The following LGR6 variants were observed in gnomAD, a reference collection of about 807,000 sequenced individuals.
LGR6 encodes leucine-rich repeat-containing G protein-coupled receptor 6.
In LGR6, 45 loss-of-function variants were observed where a neutral mutation model predicts 69.4. The ratio of observed to expected loss-of-function variants is 0.65; its 90% CI spans 0.51 to 0.83. The LOEUF is 0.83. Among genes scored for constraint, LGR6 ranks in the 40% least tolerant of loss-of-function variants. The pLI is 0.00. For missense variants in LGR6, 1,108 were observed against 1,246.7 expected (o/e 0.89, Z 1.68); for synonymous variants, 538 against 555.0 (o/e 0.97, Z 0.43).
At chr1:202,199,001 G>A (rs1219624884) in intron 1 of LGR6, among the ~76,000 whole-genome samples, 2 of 152,152 alleles carry the variant, frequency 1.3e-5, no homozygotes, top group Admixed American at 1.3e-4. Context: ...GGGTTTGTGA[G>A]TTCTAATCTT....
chr1:202,218,703 C>T (rs757006038), intron 1 of LGR6, among the ~76,000 whole-genome samples: 2 of 152,178 alleles, frequency 1.3e-5, no homozygotes, highest in Non-Finnish European at 2.9e-5. Context: ...GAACTCAGTT[C>T]TGTGGGTTGC....
intron 4 of LGR6, among the ~76,000 whole-genome samples, chr1:202,237,425 A>G (rs1661670692): frequency 6.6e-6 from 1 of 152,342 alleles, no homozygotes; most frequent in African/African-American, 2.4e-5. Flanking sequence ...AGAATTTGAC[A>G]TTTCATCCAC....
intron 4 of LGR6, among the ~76,000 whole-genome samples, chr1:202,265,304 G>A (rs1037937678): frequency 3.3e-5 from 5 of 152,104 alleles, no homozygotes; most frequent in African/African-American, 4.8e-5. Flanking sequence ...CTCAGGCTCC[G>A]ACTCCCCAGA....
rs145300623 is a variant in LGR6 at position 202,307,703 on chromosome 1, A to C, written c.1280+302A>C. Among the ~76,000 whole-genome samples, 722 of 152,058 alleles carry C rather than the reference A, an allele frequency of 4.7e-3. 8 individuals are homozygous for C. Among genetic ancestry groups the C allele is most frequent in the Non-Finnish European group, 5.0e-3 (338 of 67,986 alleles). On this transcript the variant is annotated intron_variant, in intron 14 of 17. Transcript: ENST00000367278. Reference sequence around the variant, plus strand: ...CCATCCTCTCTATCCACCAACAAAGAGGATATATTGGGCCTGGAATCCCTT... The same window carrying C: ...CCATCCTCTCTATCCACCAACAAAGCGGATATATTGGGCCTGGAATCCCTT...
chr1:202,318,208 C>A lies in LGR6; in HGVS notation c.1905C>A (p.Arg635=), dbSNP rs778693516. 6.2e-7 allele frequency: 1 copy of A among 1,612,678 alleles called. No individual in the cohort carries two copies. The highest frequency in any genetic ancestry group is 1.3e-5 in the African/African-American group (1 of 74,952). The stretch of plus-strand genomic sequence containing the variant: ...GTCAGTTCTCTGAGTACGGAGCCCG[C>A]TGGGAGACGGGGCTAGGCTGCCGGG... The part of the protein sequence containing the change: ...TFGQFSEYGA[R]WETGLGCRAT... The change falls in exon 18 of 18, where the codon CGC becomes CGA. Residue 635 remains arginine (R), a synonymous_variant. Transcript: ENST00000367278.
chr1:202,253,252 C>T (rs925710050), intron 4 of LGR6, among the ~76,000 whole-genome samples: 3 of 151,946 alleles, frequency 2.0e-5, no homozygotes, highest in African/African-American at 7.3e-5. Flanking sequence ...TATAGGAAGA[C>T]TTAGCACAAT....
chr1:202,223,809 A>C (rs1462302536), intron 1 of LGR6, among the ~76,000 whole-genome samples: 1 of 137,534 alleles, frequency 7.3e-6, no homozygotes, highest in Non-Finnish European at 1.6e-5. Context: ...TCTTTCCCTC[A>C]GTGTCCTGTG....
At chr1:202,204,880 T>C (rs1386695411) in intron 1 of LGR6, among the ~76,000 whole-genome samples, 1 of 5,460 alleles carries the variant, frequency 1.8e-4, no homozygotes, top group Non-Finnish European at 3.0e-4. Flanking sequence ...CACACACACC[T>C]CCTTCAAACA....
At chr1:202,248,760 A>C (rs1056880960) in intron 4 of LGR6, among the ~76,000 whole-genome samples, 18 of 152,248 alleles carry the variant, frequency 1.2e-4, no homozygotes, top group Admixed American at 8.5e-4. Flanking sequence ...AGGAAAAAGG[A>C]CAAGTCCAGC....
In LGR6 at chr1:202,194,183, A is replaced by G; in HGVS notation, c.194A>G (p.Asp65Gly). ...LGLSAVPGDL[D>G]PLTAYLDLSM... The stretch of plus-strand genomic sequence containing the variant: ...CTGTCCGCCGTTCCGGGGGACCTGG[A>G]CCCCCTGACGGCTTACCTGTGAGTA... Residue 65 changes from aspartate (D) to glycine (G), a missense_variant, in exon 1 of 18, where the codon GAC becomes GGC. Asp to Gly is a moderately conservative substitution (Grantham distance 94). Transcript: ENST00000367278. 1.3e-6 allele frequency: 2 copies of G among 1,560,638 alleles called. No homozygotes were observed. Among genetic ancestry groups the G allele is most frequent in the South Asian group, 1.2e-5 (1 of 86,218 alleles).
chr1:202,198,708 C>A (rs1658731551), intron 1 of LGR6, among the ~76,000 whole-genome samples: 1 of 139,048 alleles, frequency 7.2e-6, no homozygotes. Flanking sequence ...AGAGTACAGT[C>A]TGAAAATCCA....
intron 1 of LGR6, chr1:202,203,784 C>T (rs757839873): frequency 2.5e-6 from 4 of 1,613,270 alleles, no homozygotes; most frequent in Non-Finnish European, 3.4e-6. Flanking sequence ...CCCTGAAAGG[C>T]GGTTGTGGTG....
chr1:202,280,760 G>T, intron 5 of LGR6, 21 bp from the exon 6 acceptor site: 1 of 1,613,822 alleles, frequency 6.2e-7, no homozygotes, highest in South Asian at 1.1e-5. Flanking sequence ...CCATTCTGAT[G>T]CGTCTTTCCT....
At chr1:202,256,945 G>A (rs1273616511) in intron 4 of LGR6, among the ~76,000 whole-genome samples, 1 of 152,112 alleles carries the variant, frequency 6.6e-6, no homozygotes, top group Admixed American at 6.5e-5. Context: ...GTTCTGATTT[G>A]CATTTCCCTG....
Position 202,280,824 on chromosome 1 carries a change from T to C in LGR6, c.688T>C (p.Phe230Leu). 6.2e-7 allele frequency: 1 copy of C among 1,614,152 alleles called. No individual in the cohort carries two copies. ...CATCCAGCATCTGGGGACCCACAGC[T>C]TCGAGGGGCTGCACAATCTGGAGAC... ...NRIQHLGTHS[F>L]EGLHNLETLD... Residue 230 changes from phenylalanine to leucine, a missense_variant, in exon 6 of 18, where the codon TTC becomes CTC. By Grantham distance (22) the Phe-to-Leu change is conservative. Transcript: ENST00000367278.
Position 202,197,616 on chromosome 1 carries a change from T to TAA in LGR6, c.212+3427_212+3428dup, listed in dbSNP as rs35461426. Among the ~76,000 whole-genome samples the TAA allele has an allele frequency of 1.5e-3, 211 of 144,724 alleles. 1 individual carries two copies. The South Asian group carries it at 0.019, about 13-fold the overall frequency. 94.9% of individuals were successfully genotyped at this position (144,724 alleles called of 152,430 possible). ...TGTTCTATTCTTTTTTCTTTCTTCT[T>TAA]AAAAAAAAAAAAAGAAGACCAGTAA... On this transcript the variant is annotated intron_variant, in intron 1 of 17. Coordinates refer to ENST00000367278, the MANE Select transcript of LGR6 (RefSeq NM_001017403.2).
chr1:202,318,247 G>A lies in LGR6; in HGVS notation c.1944G>A (p.Leu648=). 6.2e-7 allele frequency: 1 copy of A among 1,611,334 alleles called. No homozygotes were observed. The highest frequency in any genetic ancestry group is 1.1e-5 in the South Asian group (1 of 90,812). The part of the protein sequence containing the change: ...TGLGCRATGF[L]AVLGSEASVL... Reference sequence around the variant, plus strand: ...TAGGCTGCCGGGCCACTGGCTTCCTGGCAGTACTTGGGTCGGAGGCATCGG... The same window carrying A: ...TAGGCTGCCGGGCCACTGGCTTCCTAGCAGTACTTGGGTCGGAGGCATCGG... Residue 648 remains leucine, a synonymous_variant, in exon 18 of 18, where the codon CTG becomes CTA. Coordinates refer to ENST00000367278, the MANE Select transcript of LGR6 (RefSeq NM_001017403.2).
At chr1:202,200,487 G>A (rs923584698) in intron 1 of LGR6, among the ~76,000 whole-genome samples, 1 of 152,176 alleles carries the variant, frequency 6.6e-6, no homozygotes, top group African/African-American at 2.4e-5. Context: ...TCACTATTGG[G>A]AGCAGGGCCA....
intron 1 of LGR6, among the ~76,000 whole-genome samples, chr1:202,204,297 AACAC>A (rs1300475184): frequency 8.0e-6 from 1 of 124,618 alleles, no homozygotes; most frequent in Non-Finnish European, 1.7e-5. Context: ...CACACCTGCA[AACAC>A]ACACACACCC....
Sources: gnomAD v4.1 joint callset for allele counts (sites outside exome capture counted in the v4.1 genomes callset) on GRCh38, gnomAD v4.1.1 for gene constraint, MANE v1.5 for transcripts, NCBI Gene and HGNC (gene_info 2026-07-23, HGNC 2026-07-21) for gene names.